CLUAP1: variants seen among roughly 807,000 people sequenced by gnomAD.
The protein encoded by CLUAP1 is clusterin-associated protein 1.
In CLUAP1, 50 loss-of-function variants were observed where a neutral mutation model predicts 55.0. That is an observed-to-expected ratio of 0.91 (90% confidence interval 0.72 to 1.15). The LOEUF is 1.15. Among genes scored for constraint, CLUAP1 ranks in the 50% most tolerant of loss-of-function variants. CLUAP1 has a pLI of 0.00. For missense variants in CLUAP1, 530 were observed against 507.6 expected, an observed-to-expected ratio of 1.04 and a Z score of -0.42; for synonymous variants, 195 against 175.4, an observed-to-expected ratio of 1.11 and a Z score of -0.88.
Position 3,512,380 on chromosome 16 carries a change from C to T in CLUAP1, c.400-3C>T, listed in dbSNP as rs75800384. ...GTTTCTGTTTTTGTTATTTTCCTTC[C>T]AGATTGCAGATTTGAAGGCAGCCAG... is the stretch of plus-strand genomic sequence containing the variant. On this transcript the variant is annotated splice_polypyrimidine_tract_variant and splice_region_variant and intron_variant, in intron 4 of 11. Transcript: ENST00000576634. The T allele has an allele frequency of 1.3e-3, 2,083 of 1,611,736 alleles. 24 individuals carry two copies. The African/African-American group carries it at 0.022, about 17-fold the overall frequency.
intron 11 of CLUAP1, 136 bp downstream of exon 11, chr16:3,532,977 G>A: frequency 7.5e-7 from 1 of 1,341,872 alleles, no homozygotes; most frequent in Non-Finnish European, 1.1e-6. Flanking sequence ...GCGTGGCAGG[G>A]TTTGGCCTCA....
chr16:3,529,814 T>TATATTATAATATATATA, intron 9 of CLUAP1, among the ~76,000 whole-genome samples: 1 of 29,898 alleles, frequency 3.3e-5, no homozygotes, highest in Non-Finnish European at 5.3e-5. Context: ...ATATATATAT[T>TATATTATAATATATATA]ATAATATAAT....
intron 9 of CLUAP1, among the ~76,000 whole-genome samples, chr16:3,528,301 T>C (rs2037986878): frequency 6.6e-6 from 1 of 152,272 alleles, no homozygotes; most frequent in East Asian, 1.9e-4. Flanking sequence ...CCCACACACA[T>C]GCTCCCACAC....
intron 3 of CLUAP1, among the ~76,000 whole-genome samples, chr16:3,507,181 G>A (rs1278706172): frequency 4.7e-5 from 7 of 149,750 alleles, no homozygotes; most frequent in Non-Finnish European, 7.4e-5. Context: ...GGGCAACAGA[G>A]CAAGACTCTG....
chr16:3,497,850 C>G (rs2037330025), upstream of CLUAP1, among the ~76,000 whole-genome samples: 1 of 151,982 alleles, frequency 6.6e-6, no homozygotes, highest in Non-Finnish European at 1.5e-5. Flanking sequence ...TGATGGAGAT[C>G]TCACCATGTT....
intron 7 of CLUAP1, 56 bp downstream of exon 7, chr16:3,520,092 A>C: frequency 1.3e-6 from 2 of 1,509,446 alleles, no homozygotes; most frequent in Non-Finnish European, 1.8e-6. Context: ...GTTCAAACAA[A>C]CTGGGCGTGG....
At chr16:3,527,440 C>G (rs972567030) in intron 9 of CLUAP1, among the ~76,000 whole-genome samples, 9 of 152,212 alleles carry the variant, frequency 5.9e-5, no homozygotes, top group East Asian at 3.9e-4. Flanking sequence ...GTGGGAACAC[C>G]AGCGTCTGGG....
intron 4 of CLUAP1, among the ~76,000 whole-genome samples, chr16:3,509,256 GA>G (rs1173493885): frequency 6.6e-6 from 1 of 151,888 alleles, no homozygotes; most frequent in Non-Finnish European, 1.5e-5. Context: ...CTGGGGGGAA[GA>G]AAAAAAATGT....
At chr16:3,517,872 T>G (rs2037759500) in intron 6 of CLUAP1, among the ~76,000 whole-genome samples, 1 of 152,106 alleles carries the variant, frequency 6.6e-6, no homozygotes, top group Admixed American at 6.5e-5. Flanking sequence ...GTTCTGAAAG[T>G]CAAGGAAAGC....
At chr16:3,505,925 G>C (rs1206689845) in intron 2 of CLUAP1, among the ~76,000 whole-genome samples, 1 of 152,188 alleles carries the variant, frequency 6.6e-6, no homozygotes, top group African/African-American at 2.4e-5. Context: ...ACAGGTCGGA[G>C]GCTGCAGTCT....
chr16:3,533,081 C>T (rs2038161235), intron 11 of CLUAP1: 4 of 1,535,674 alleles, frequency 2.6e-6, no homozygotes, highest in Non-Finnish European at 3.5e-6. Flanking sequence ...CTGTTCTTTC[C>T]ATTCTCGCTT....
At chr16:3,529,581 AATATTATATATTATTAT>A (rs1567439626) in intron 9 of CLUAP1, among the ~76,000 whole-genome samples, 49 of 36,892 alleles carry the variant, frequency 1.3e-3, no homozygotes, top group South Asian at 3.1e-3. Flanking sequence ...TATATTATAT[AATATTATATATTATTAT>A]ATATTATATA....
Position 3,535,860 on chromosome 16 carries a change from A to G in CLUAP1, c.1093-262A>G, listed in dbSNP as rs895090730. ...TCAGCGCAGATGCAGAGTGCTTCTT[A>G]GACGCTGCGGGAAAGCCAGCCCCTG... On this transcript the variant is annotated intron_variant, in intron 11 of 11. Coordinates refer to ENST00000576634, the MANE Select transcript of CLUAP1 (RefSeq NM_015041.3). 8.6e-6 allele frequency: 4 copies of G among 465,140 alleles called. No homozygotes were observed. The Admixed American group carries it at 1.5e-4, about 17-fold the overall frequency. 28.8% of individuals were successfully genotyped at this position (465,140 alleles called of 1,614,324 possible).
chr16:3,516,222 T>C lies in CLUAP1; in HGVS notation c.579+631T>C, dbSNP rs973329538. On this transcript the variant is annotated intron_variant, in intron 6 of 11. Coordinates refer to ENST00000576634, the MANE Select transcript of CLUAP1 (RefSeq NM_015041.3). ...ATCAAGCCTCGTCTCTGATGCACAA[T>C]TGATAATCAGTCATCACTGGTGATT... Among the ~76,000 whole-genome samples the C allele has an allele frequency of 4.6e-5, 7 of 152,208 alleles. No homozygotes were observed. In the South Asian group the frequency reaches 6.2e-4, roughly 13 times the overall value.
At chr16:3,496,333 C>A (rs1419517949), upstream of CLUAP1, 11 of 1,161,104 alleles carry the variant, frequency 9.5e-6, no homozygotes, top group Non-Finnish European at 1.3e-5. Context: ...ACTCCACATT[C>A]AACCAGGTTG....
In CLUAP1 at chr16:3,506,402, T is replaced by G. The variant is rs773283495; in HGVS notation, c.206T>G (p.Ile69Ser). ...GACCGAGTTTTCTTCATTAAGGCAA[T>G]TGCCCAGTTCATGGTTAGTGGACAC... is the stretch of plus-strand genomic sequence containing the variant. The part of the protein sequence containing the change: ...EQDRVFFIKA[I>S]AQFMATKAHI... Residue 69 changes from isoleucine (I) to serine (S), a missense_variant, in exon 3 of 12, where the codon ATT (isoleucine) becomes AGT (serine). Coordinates refer to ENST00000576634, the MANE Select transcript of CLUAP1 (RefSeq NM_015041.3). 6.2e-7 allele frequency: 1 copy of G among 1,613,540 alleles called. No homozygotes were observed. The highest frequency in any genetic ancestry group is 8.5e-7 in the Non-Finnish European group (1 of 1,179,514).
intron 9 of CLUAP1, among the ~76,000 whole-genome samples, chr16:3,529,436 AT>A (rs2038013686): frequency 1.5e-5 from 1 of 68,644 alleles, no homozygotes; most frequent in Non-Finnish European, 2.6e-5. Flanking sequence ...TATATAATAT[AT>A]ATTATATTAT....
At chr16:3,529,153 A>G (rs2038006724) in intron 9 of CLUAP1, among the ~76,000 whole-genome samples, 1 of 151,730 alleles carries the variant, frequency 6.6e-6, no homozygotes, top group Admixed American at 6.6e-5. Flanking sequence ...CATATACTTT[A>G]AGTCATCTCT....
Position 3,536,208 on chromosome 16 carries a change from A to G in CLUAP1, c.1179A>G (p.Pro393=). ...AAGACGAGAGCATTTCTCTCTCACCAACCAAGCCCAATCGAAGGGTCCGGA... is the reference window on the plus strand; with the variant it reads ...AAGACGAGAGCATTTCTCTCTCACCGACCAAGCCCAATCGAAGGGTCCGGA... The part of the protein sequence containing the change: ...DLEDESISLS[P]TKPNRRVRKS... The change falls in exon 12 of 12, where the codon CCA becomes CCG. Residue 393 remains proline, a synonymous_variant. Coordinates refer to ENST00000576634, the MANE Select transcript of CLUAP1 (RefSeq NM_015041.3). The G allele has an allele frequency of 6.2e-7, 1 of 1,614,204 alleles. No individual in the cohort carries two copies. The highest frequency in any genetic ancestry group is 8.5e-7 in the Non-Finnish European group (1 of 1,180,040).
Sources: gnomAD v4.1 joint callset for allele counts (sites outside exome capture counted in the v4.1 genomes callset) on GRCh38, gnomAD v4.1.1 for gene constraint, MANE v1.5 for transcripts, NCBI Gene and HGNC (gene_info 2026-07-23, HGNC 2026-07-21) for gene names.